TEX2: variants seen among roughly 807,000 people sequenced by gnomAD.
TEX2 encodes the protein testis-expressed protein 2.
Under a neutral mutation model 106.9 loss-of-function variants are expected in TEX2, and 53 were observed. That is an observed-to-expected ratio of 0.50 (90% CI 0.40 to 0.62). The LOEUF is 0.62. Ranked by LOEUF, TEX2 falls within the 20% of genes least tolerant of loss-of-function variation. The pLI is 0.00. For synonymous variants in TEX2, 523 were observed against 534.8 expected (o/e 0.98, Z 0.30); for missense variants, 1,207 against 1,379.0 (o/e 0.88, Z 1.98).
At chr17:64,201,117 T>C (rs1163725592) in intron 2 of TEX2, among the ~76,000 whole-genome samples, 5 of 152,290 alleles carry the variant, frequency 3.3e-5, no homozygotes, top group Admixed American at 3.3e-4. Flanking sequence ...TCAAAACACA[T>C]GCGCTGAAAC....
At chr17:64,232,161 T>C (rs2033672139) in intron 1 of TEX2, among the ~76,000 whole-genome samples, 1 of 152,214 alleles carries the variant, frequency 6.6e-6, no homozygotes, top group Admixed American at 6.5e-5. Context: ...GTACATCACC[T>C]AGGTAAATGA....
chr17:64,223,142 A>C (rs145646154), intron 1 of TEX2, among the ~76,000 whole-genome samples: 3 of 152,204 alleles, frequency 2.0e-5, no homozygotes, highest in Non-Finnish European at 2.9e-5. Context: ...ACTGGAGCCA[A>C]CTGCGCTCTG....
At chr17:64,151,304 C>T (rs2030344122) in intron 10 of TEX2, among the ~76,000 whole-genome samples, 1 of 151,968 alleles carries the variant, frequency 6.6e-6, no homozygotes, top group African/African-American at 2.4e-5. Flanking sequence ...AGTATATGTA[C>T]ATTACAAAAA....
chr17:64,236,827 T>C (rs1555635173), intron 1 of TEX2, among the ~76,000 whole-genome samples: 1 of 152,172 alleles, frequency 6.6e-6, no homozygotes, highest in Non-Finnish European at 1.5e-5. Flanking sequence ...TCACAATTTA[T>C]TCACTGTTAA....
chr17:64,156,945 C>T (rs924431717), intron 8 of TEX2, among the ~76,000 whole-genome samples: 1 of 152,226 alleles, frequency 6.6e-6, no homozygotes, highest in Non-Finnish European at 1.5e-5. Context: ...TGAGTTAATC[C>T]TCTGCAGGTC....
In TEX2 at chr17:64,193,895, G is replaced by A. The variant is rs2032382018; in HGVS notation, c.1846-6C>T. ...GTTTTAGGTACAAGATAAATCTACAGAGAAAGAAAAATGATGATTTATATA... is the reference window on the plus strand; with the variant it reads ...GTTTTAGGTACAAGATAAATCTACAAAGAAAGAAAAATGATGATTTATATA... On this transcript the variant is annotated splice_region_variant and splice_polypyrimidine_tract_variant and intron_variant, in intron 3 of 11. Transcript: ENST00000584379. 1 of 1,506,530 alleles carries A rather than the reference G, an allele frequency of 6.6e-7. No individual in the cohort carries two copies. The highest frequency in any genetic ancestry group is 8.9e-7 in the Non-Finnish European group (1 of 1,123,052). 93.3% of individuals were successfully genotyped at this position (1,506,530 alleles called of 1,614,324 possible).
rs966912927 is a variant in TEX2, at chr17:64,178,631, A to C, written c.2425-1160T>G. Among the ~76,000 whole-genome samples the C allele has an allele frequency of 2.8e-4, 43 of 152,290 alleles. 1 individual carries two copies. Among genetic ancestry groups the C allele is most frequent in the African/African-American group, 1.0e-3 (42 of 41,546 alleles). ...TTCCTGTGCTGAGGTCTCTAATTAG[A>C]CTGTAGCCTTGCAGAAACAATGAGC... On this transcript the variant is annotated intron_variant, in intron 5 of 11. Coordinates refer to ENST00000584379, the MANE Select transcript of TEX2 (RefSeq NM_001288732.2).
At position 64,223,915 on chromosome 17, in the gene TEX2, C is replaced by CCA. The variant is rs571411110; in HGVS notation, c.-25-9675_-25-9674dup. Among the ~76,000 whole-genome samples, 9 of 152,216 alleles carry CCA rather than the reference C, an allele frequency of 5.9e-5. No individual in the cohort carries two copies. The East Asian group carries it at 1.7e-3, about 29-fold the overall frequency. ...TATTTTTAGTAGAGACGGGGTTTTA[C>CCA]CATGTTGGCCAGGAGGCCGAGGCAG... On this transcript the variant is annotated intron_variant, in intron 1 of 11. Transcript: ENST00000584379.
intron 1 of TEX2, among the ~76,000 whole-genome samples, chr17:64,225,946 G>A (rs1454511952): frequency 3.3e-5 from 5 of 152,106 alleles, no homozygotes; most frequent in South Asian, 4.1e-4. Context: ...TTGAACTCCT[G>A]GCCTCAGGTG....
chr17:64,173,053 T>C (rs578221166), intron 6 of TEX2, among the ~76,000 whole-genome samples: 1 of 152,316 alleles, frequency 6.6e-6, no homozygotes, highest in South Asian at 2.1e-4. Flanking sequence ...CCCCAAATGG[T>C]TGGTCAGCAA....
At chr17:64,210,851 G>A (rs148505450) in intron 2 of TEX2, among the ~76,000 whole-genome samples, 88 of 152,064 alleles carry the variant, frequency 5.8e-4, no homozygotes, top group African/African-American at 2.1e-3. Flanking sequence ...TGTAACACAA[G>A]GAATTCTCCA....
intron 1 of TEX2, among the ~76,000 whole-genome samples, chr17:64,232,675 G>C (rs571844462): frequency 1.3e-5 from 2 of 152,322 alleles, no homozygotes; most frequent in South Asian, 4.1e-4. Context: ...TCCTGTGTCA[G>C]AAACTCCTAT....
intron 2 of TEX2, among the ~76,000 whole-genome samples, chr17:64,206,937 T>C (rs1308568530): frequency 6.6e-6 from 1 of 151,980 alleles, no homozygotes; most frequent in African/African-American, 2.4e-5. Flanking sequence ...CGGAGTACCA[T>C]AGGGCCTAGA....
chr17:64,159,239 C>A (rs931680843), intron 8 of TEX2, among the ~76,000 whole-genome samples: 2 of 152,218 alleles, frequency 1.3e-5, no homozygotes, highest in African/African-American at 4.8e-5. Context: ...CCACATGGTG[C>A]TGTTTCTAGA....
chr17:64,152,108 G>A (rs549797954), intron 10 of TEX2, among the ~76,000 whole-genome samples: 14 of 152,152 alleles, frequency 9.2e-5, no homozygotes, highest in Non-Finnish European at 1.8e-4. Context: ...GTACTAGCAT[G>A]TTGGTTTTAC....
intron 4 of TEX2, among the ~76,000 whole-genome samples, chr17:64,190,479 T>C (rs954232599): frequency 6.6e-6 from 1 of 152,152 alleles, no homozygotes; most frequent in Non-Finnish European, 1.5e-5. Flanking sequence ...ACACTCCATG[T>C]AGAGGAGGAA....
intron 1 of TEX2, among the ~76,000 whole-genome samples, chr17:64,240,278 A>G (rs993920503): frequency 8.7e-5 from 13 of 148,856 alleles, no homozygotes; most frequent in Admixed American, 5.3e-4. Context: ...GCTCTTTGTT[A>G]ATAAATGTTT....
intron 1 of TEX2, among the ~76,000 whole-genome samples, chr17:64,235,171 C>T (rs879981646): frequency 6.6e-6 from 1 of 152,230 alleles, no homozygotes; most frequent in African/African-American, 2.4e-5. Context: ...CCTCACAATT[C>T]TGCCAGGTAG....
chr17:64,249,692 A>G (rs1194126842), intron 1 of TEX2, among the ~76,000 whole-genome samples: 2 of 152,124 alleles, frequency 1.3e-5, no homozygotes, highest in Non-Finnish European at 2.9e-5. Flanking sequence ...CTGAAAAACT[A>G]AACTCAAGAT....
Sources: gnomAD v4.1 joint callset for allele counts (sites outside exome capture counted in the v4.1 genomes callset) on GRCh38, gnomAD v4.1.1 for gene constraint, MANE v1.5 for transcripts, NCBI Gene and HGNC (gene_info 2026-07-23, HGNC 2026-07-21) for gene names.